The following CAMK2B variants were observed in gnomAD, a reference collection of about 807,000 sequenced individuals.
CAMK2B encodes calcium/calmodulin-dependent protein kinase type II subunit beta.
In CAMK2B, 27 loss-of-function variants were observed where a neutral mutation model predicts 93.7. That is an observed-to-expected ratio of 0.29 (90% CI 0.21 to 0.40). The LOEUF (loss-of-function observed/expected upper bound fraction) is 0.40. Ranked by LOEUF, CAMK2B falls within the 10% of genes least tolerant of loss-of-function variation. CAMK2B has a pLI of 1.00. For missense variants in CAMK2B, 568 were observed against 895.8 expected, an observed-to-expected ratio of 0.63 and a Z score of 4.67; for synonymous variants, 374 against 358.8, an observed-to-expected ratio of 1.04 and a Z score of -0.48.
At chr7:44,228,706 C>G (rs528027767) in intron 19 of CAMK2B, 90 bp downstream of exon 19, 35 of 1,240,680 alleles carry the variant, frequency 2.8e-5, no homozygotes, top group Admixed American at 6.6e-5. Flanking sequence ...GTAGCTGGGC[C>G]GTGCATGCAG....
intron 11 of CAMK2B, among the ~76,000 whole-genome samples, chr7:44,240,983 C>T (rs982208065): frequency 3.3e-5 from 5 of 152,188 alleles, no homozygotes; most frequent in Non-Finnish European, 5.9e-5. Flanking sequence ...TGACCAACTA[C>T]AGCTTCTAGC....
intron 1 of CAMK2B, among the ~76,000 whole-genome samples, chr7:44,322,917 C>T (rs1796471296): frequency 6.6e-6 from 1 of 152,256 alleles, no homozygotes; most frequent in Non-Finnish European, 1.5e-5. Flanking sequence ...GACATGTCCA[C>T]CTGGGGCCAG....
chr7:44,312,452 TGAAAGGA>T lies in CAMK2B; in HGVS notation c.65+12898_65+12904del, dbSNP rs1793801816. Among the ~76,000 whole-genome samples the T allele has an allele frequency of 6.8e-6, 1 of 147,372 alleles. No homozygotes were observed. The highest frequency in any genetic ancestry group is 2.5e-5 in the African/African-American group (1 of 39,652). ...CACCCAAAAGACAGGATCCTTTAAG[TGAAAGGA>T]GAAAGGAGAGGGAGGAAGAGGGAGG... On this transcript the variant is annotated intron_variant, in intron 1 of 23. Coordinates refer to ENST00000395749, the MANE Select transcript of CAMK2B (RefSeq NM_001220.5). The surrounding 1 kb of genome is among the most constrained non-coding windows in gnomAD (Gnocchi z 4.1).
At chr7:44,228,750 G>C (rs1413940479) in intron 19 of CAMK2B, 46 bp downstream of exon 19, 1 of 1,425,610 alleles carries the variant, frequency 7.0e-7, no homozygotes. Context: ...CATTCGCAGG[G>C]AGCTGTCCGG....
At chr7:44,279,884 C>T (rs1041201426) in intron 2 of CAMK2B, among the ~76,000 whole-genome samples, 9 of 152,196 alleles carry the variant, frequency 5.9e-5, no homozygotes, top group Admixed American at 1.3e-4. Flanking sequence ...CATCCCTCAA[C>T]GCCCATGCAA....
intron 2 of CAMK2B, among the ~76,000 whole-genome samples, chr7:44,275,167 C>T (rs1423831926): frequency 6.6e-6 from 1 of 152,218 alleles, no homozygotes; most frequent in Non-Finnish European, 1.5e-5. Context: ...GGGTTCCTCC[C>T]TCACCCCCTC....
At chr7:44,318,722 A>G (rs1395817830) in intron 1 of CAMK2B, among the ~76,000 whole-genome samples, 1 of 152,240 alleles carries the variant, frequency 6.6e-6, no homozygotes, top group African/African-American at 2.4e-5. Flanking sequence ...CACCCTGTAC[A>G]AGTGTGCCAT....
In CAMK2B at chr7:44,229,239, AC is replaced by A. The variant is rs1197538543; in HGVS notation, c.1339+148del. 1.3e-5 allele frequency: 8 copies of A among 629,978 alleles called. No homozygotes were observed. The African/African-American group carries it at 1.3e-4, about 10-fold the overall frequency. 39.0% of individuals were successfully genotyped at this position (629,978 alleles called of 1,614,324 possible). A position where few individuals can be genotyped will look rare whatever the true frequency, so the allele number is the denominator to read the frequency against. ...AGGTGGGGCTCGATGGGCTGGGGCCACCCTGGAAAGCCCCAGTGAGGGATTG... is the reference window on the plus strand; with the variant it reads ...AGGTGGGGCTCGATGGGCTGGGGCCACCTGGAAAGCCCCAGTGAGGGATTG... On this transcript the variant is annotated intron_variant, in intron 18 of 23. Transcript: ENST00000395749.
rs556521546 is a variant in CAMK2B, at chr7:44,224,622, G to A, written c.1597+1894C>T. On this transcript the variant is annotated intron_variant, in intron 20 of 23. Transcript: ENST00000395749. This position sits in a 1 kb window ranked among gnomAD's most constrained non-coding sequence, Gnocchi z 4.4. The stretch of plus-strand genomic sequence containing the variant: ...AATGCGTCCAGGTGGGGTCAGAGCA[G>A]GTTCTCATCCTGGCCTGGACTCCTG... 3.3e-5 allele frequency among the ~76,000 whole-genome samples: 5 copies of A among 152,292 alleles called. No homozygotes were observed. Among genetic ancestry groups the A allele is most frequent in the African/African-American group, 1.2e-4 (5 of 41,562 alleles).
intron 2 of CAMK2B, chr7:44,264,146 CACAAG>C (rs1302465989): frequency 6.6e-6 from 1 of 152,616 alleles, no homozygotes; most frequent in Non-Finnish European, 1.5e-5. Context: ...ATAATTAATA[CACAAG>C]ACAAGACCTC....
At position 44,245,567 on chromosome 7, in the gene CAMK2B, G is replaced by C. The variant is rs368329202; in HGVS notation, c.414+1553C>G. 6.6e-5 allele frequency among the ~76,000 whole-genome samples: 10 copies of C among 152,306 alleles called. No homozygotes were observed. In the East Asian group the frequency reaches 1.9e-3, roughly 29 times the overall value. ...TGTGGCCCCTCACAGGAGAGCCACT[G>C]AGTCCTAGCACCAACCCACGTGGCC... On this transcript the variant is annotated intron_variant, in intron 6 of 23. Coordinates refer to ENST00000395749, the MANE Select transcript of CAMK2B (RefSeq NM_001220.5).
At chr7:44,322,172 C>T (rs528663426) in intron 1 of CAMK2B, among the ~76,000 whole-genome samples, 2 of 152,328 alleles carry the variant, frequency 1.3e-5, no homozygotes, top group Admixed American at 6.5e-5. Flanking sequence ...TCAAACACAT[C>T]GACGAGCACA....
intron 1 of CAMK2B, among the ~76,000 whole-genome samples, chr7:44,299,320 G>C (rs1235067228): frequency 2.6e-5 from 4 of 152,160 alleles, no homozygotes; most frequent in Non-Finnish European, 5.9e-5. Context: ...CCCTTATATG[G>C]GATACCTAGA....
At chr7:44,323,468 A>C (rs1465277955) in intron 1 of CAMK2B, among the ~76,000 whole-genome samples, 1 of 151,830 alleles carries the variant, frequency 6.6e-6, no homozygotes, top group East Asian at 1.9e-4. Flanking sequence ...AGCCCCAAAG[A>C]CCTCCATTCC....
chr7:44,228,796 A>G lies in CAMK2B; in HGVS notation c.1468T>C (p.Ser490Pro), dbSNP rs1249033741. The G allele has an allele frequency of 2.7e-6, 4 of 1,482,514 alleles. No individual in the cohort carries two copies. Among genetic ancestry groups the G allele is most frequent in the Middle Eastern group, 2.0e-4 (1 of 5,080 alleles). 91.8% of individuals were successfully genotyped at this position (1,482,514 alleles called of 1,614,324 possible). A position where few individuals can be genotyped will look rare whatever the true frequency, so the allele number is the denominator to read the frequency against. ...GGCAGGCCTGGGGGCCACTACTTACACGGGGAGGACAGGGGGCCTAGGAGA... is the reference window on the plus strand; with the variant it reads ...GGCAGGCCTGGGGGCCACTACTTACGCGGGGAGGACAGGGGGCCTAGGAGA... The part of the protein sequence containing the change: ...PALLGPLSSP[S>P]PRISDILNSV... The change falls in exon 19 of 24, where the codon TCC (serine) becomes CCC (proline). Residue 490 changes from serine to proline, a missense_variant and splice_region_variant. Around this residue, in one of 4 missense-constraint regions of CAMK2B, gnomAD observed 308 missense variants for 292.1 expected, o/e 1.05. Coordinates refer to ENST00000395749, the MANE Select transcript of CAMK2B (RefSeq NM_001220.5).
Position 44,286,850 on chromosome 7 carries a change from G to A in CAMK2B, c.66-2625C>T, listed in dbSNP as rs1785268671. On this transcript the variant is annotated intron_variant, in intron 1 of 23. Transcript: ENST00000395749. The surrounding 1 kb of genome is among the most constrained non-coding windows in gnomAD (Gnocchi z 4.0). ...AGGAAGGAGGAAGGCATGGCTGGGG[G>A]CCTCGGGATGAGTGTGGAGTGGGAG... 6.6e-6 allele frequency among the ~76,000 whole-genome samples: 1 copy of A among 152,204 alleles called. No homozygotes were observed.
At chr7:44,232,741 G>T in intron 16 of CAMK2B, 81 bp downstream of exon 16, 1 of 1,409,752 alleles carries the variant, frequency 7.1e-7, no homozygotes, top group Non-Finnish European at 1.0e-6. Flanking sequence ...CTCCACTCTG[G>T]CACAAATGCT....
intron 4 of CAMK2B, among the ~76,000 whole-genome samples, chr7:44,258,205 ACACT>A (rs1161477379): frequency 6.6e-6 from 1 of 152,226 alleles, no homozygotes; most frequent in African/African-American, 2.4e-5. Context: ...CACTCATGAA[ACACT>A]CACACATGCA....
At chr7:44,273,000 T>C (rs1189063429) in intron 2 of CAMK2B, among the ~76,000 whole-genome samples, 1 of 152,224 alleles carries the variant, frequency 6.6e-6, no homozygotes, top group Non-Finnish European at 1.5e-5. Flanking sequence ...ACGTGCTACC[T>C]TGACACCCAG....
Sources: allele counts gnomAD v4.1 joint callset (sites outside exome capture counted in the v4.1 genomes callset), GRCh38; gene constraint gnomAD v4.1.1; regional missense constraint gnomAD v4.1.1; non-coding constraint Gnocchi (gnomAD v3.1); transcripts MANE v1.5; gene names NCBI Gene and HGNC (gene_info 2026-07-23, HGNC 2026-07-21).